TMLHE: variants seen among roughly 807,000 people sequenced by gnomAD.
TMLHE encodes trimethyllysine hydroxylase, epsilon, also known as trimethyllysine dioxygenase, mitochondrial.
TMLHE carries 18 observed loss-of-function variants against 25.7 expected under a neutral mutation model. The ratio of observed to expected loss-of-function variants is 0.70; its 90% CI spans 0.48 to 1.04. The LOEUF (loss-of-function observed/expected upper bound fraction) is 1.04, where lower values mean the gene tolerates loss of function less well. Among genes scored for constraint, TMLHE ranks in the 50% least tolerant of loss-of-function variants. The pLI is 0.00. For missense variants in TMLHE, 236 were observed against 259.0 expected (o/e 0.91, Z 0.61); for synonymous variants, 105 against 97.0 (o/e 1.08, Z -0.49).
chrX:155,531,599 T>G (rs988857481), intron 2 of TMLHE, among the ~76,000 whole-genome samples: 1 of 111,619 alleles, frequency 9.0e-6, no homozygotes, highest in Non-Finnish European at 1.9e-5. Context: ...GAGACAAACA[T>G]CCAAACCATA....
At chrX:155,608,339 T>C (rs1569562305) in intron 1 of TMLHE, among the ~76,000 whole-genome samples, 2 of 89,459 alleles carry the variant, frequency 2.2e-5, no homozygotes, top group African/African-American at 3.9e-5. Flanking sequence ...CTAGGATTGC[T>C]GGTTGCTGTG....
intron 6 of TMLHE, among the ~76,000 whole-genome samples, chrX:155,504,850 G>T (rs1219199445): frequency 1.8e-5 from 2 of 111,474 alleles, no homozygotes; most frequent in Non-Finnish European, 3.8e-5. Context: ...AGTGGTAAAA[G>T]AAAATCAAAC....
At chrX:155,511,109 C>T (rs1156705639) in intron 5 of TMLHE, among the ~76,000 whole-genome samples, 2 of 111,457 alleles carry the variant, frequency 1.8e-5, no homozygotes, top group African/African-American at 6.5e-5. Context: ...TATTTATCCC[C>T]ACCAAAATCT....
In TMLHE at chrX:155,548,667, A is replaced by G. The variant is rs782768019; in HGVS notation, c.-1-3390T>C. 3.6e-4 allele frequency among the ~76,000 whole-genome samples: 39 copies of G among 108,873 alleles called. 1 individual carries two copies. The highest frequency in any genetic ancestry group is 1.5e-3 in the East Asian group (5 of 3,436). 94.5% of individuals were successfully genotyped at this position (108,873 alleles called of 115,157 possible). A position where few individuals can be genotyped will look rare whatever the true frequency, so the allele number is the denominator to read the frequency against. On this transcript the variant is annotated intron_variant, in intron 1 of 7. Transcript: ENST00000334398. The stretch of plus-strand genomic sequence containing the variant: ...GGAGAATCGCTTGAACCCAGGAGGC[A>G]AAGGTTGCAGTGAGCTGAGATTGTG...
chrX:155,591,544 A>T (rs1295475375), intron 1 of TMLHE, among the ~76,000 whole-genome samples: 1 of 112,350 alleles, frequency 8.9e-6, no homozygotes, highest in Admixed American at 9.4e-5. Context: ...ACAAATATTT[A>T]AAAATTAAGA....
At chrX:155,528,306 CTTTA>C (rs1305892980) in intron 2 of TMLHE, among the ~76,000 whole-genome samples, 3 of 88,204 alleles carry the variant, frequency 3.4e-5, no homozygotes, top group African/African-American at 3.8e-5. Flanking sequence ...TTCTCTTGTA[CTTTA>C]TTTATTTATT....
At chrX:155,557,238 T>C (rs2067463647) in intron 1 of TMLHE, among the ~76,000 whole-genome samples, 1 of 112,152 alleles carries the variant, frequency 8.9e-6, no homozygotes, top group African/African-American at 3.2e-5. Context: ...GTCCATGAAA[T>C]CTTTACAATT....
chrX:155,521,985 C>T (rs985623014), intron 3 of TMLHE, among the ~76,000 whole-genome samples: 2 of 108,359 alleles, frequency 1.8e-5, no homozygotes, highest in Admixed American at 9.8e-5. Flanking sequence ...CCGTCTTCTG[C>T]GTCGCTCACG....
intron 1 of TMLHE, among the ~76,000 whole-genome samples, chrX:155,560,067 T>TAC (rs2067484548): frequency 1.8e-5 from 2 of 112,285 alleles, no homozygotes; most frequent in African/African-American, 6.5e-5. Context: ...ATTATTTTTC[T>TAC]TACCTCAATT....
chrX:155,604,766 T>C (rs143016752), intron 1 of TMLHE, among the ~76,000 whole-genome samples: 3,276 of 111,518 alleles, frequency 0.029, 112 homozygotes, highest in African/African-American at 0.098. Flanking sequence ...TTAAGCACCA[T>C]CTACTGGATC....
At chrX:155,548,480 A>C (rs1299487027) in intron 1 of TMLHE, among the ~76,000 whole-genome samples, 2 of 109,101 alleles carry the variant, frequency 1.8e-5, no homozygotes, top group African/African-American at 7.0e-5. Flanking sequence ...TCATGCCTGA[A>C]ATCCCAGCAC....
chrX:155,575,070 A>G (rs2067581607), intron 1 of TMLHE, among the ~76,000 whole-genome samples: 1 of 111,594 alleles, frequency 9.0e-6, no homozygotes, highest in Non-Finnish European at 1.9e-5. Flanking sequence ...ACAGTTCTGG[A>G]GGCCAGAAGT....
At chrX:155,504,877 A>T (rs1284112089) in intron 6 of TMLHE, among the ~76,000 whole-genome samples, 1 of 111,386 alleles carries the variant, frequency 9.0e-6, no homozygotes, top group Non-Finnish European at 1.9e-5. Context: ...TTCCTCTGAG[A>T]TGTATGTGCA....
At chrX:155,602,316 A>G (rs2067760771) in intron 1 of TMLHE, among the ~76,000 whole-genome samples, 1 of 111,812 alleles carries the variant, frequency 8.9e-6, no homozygotes, top group South Asian at 3.7e-4. Flanking sequence ...CCACATGATC[A>G]TTTCAATAGA....
intron 2 of TMLHE, among the ~76,000 whole-genome samples, chrX:155,530,720 C>CA (rs1214133843): frequency 3.6e-5 from 4 of 112,097 alleles, no homozygotes; most frequent in African/African-American, 6.5e-5. Context: ...CATTTATTTA[C>CA]AAAAAAACTA....
At chrX:155,601,029 G>T (rs1388341896) in intron 1 of TMLHE, among the ~76,000 whole-genome samples, 1 of 112,006 alleles carries the variant, frequency 8.9e-6, no homozygotes, top group African/African-American at 3.3e-5. Context: ...TGTGGGGGAG[G>T]CCAGAAGGCA....
chrX:155,526,297 G>C (rs1378004242), intron 2 of TMLHE, among the ~76,000 whole-genome samples: 3 of 112,951 alleles, frequency 2.7e-5, no homozygotes, highest in African/African-American at 9.6e-5. Flanking sequence ...ATGGCTAAAA[G>C]GGACCAAAGA....
At chrX:155,511,323 G>A (rs367747960) in intron 5 of TMLHE, among the ~76,000 whole-genome samples, 8 of 110,098 alleles carry the variant, frequency 7.3e-5, no homozygotes, top group South Asian at 3.9e-4. Context: ...TTTGCTCCCC[G>A]CTCACCTTCC....
At chrX:155,548,495 G>GGA (rs1279591127) in intron 1 of TMLHE, among the ~76,000 whole-genome samples, 1 of 108,295 alleles carries the variant, frequency 9.2e-6, no homozygotes, top group Non-Finnish European at 1.9e-5. Context: ...CAGCACTTTG[G>GGA]GAGGTCAAGG....
Sources: gnomAD v4.1 joint callset for allele counts (sites outside exome capture counted in the v4.1 genomes callset) on GRCh38, gnomAD v4.1.1 for gene constraint, MANE v1.5 for transcripts, NCBI Gene and HGNC (gene_info 2026-07-23, HGNC 2026-07-21) for gene names.